The following HABP4 variants were observed in gnomAD, a reference collection of about 807,000 sequenced individuals.
HABP4 encodes hyaluronan binding protein 4, also known as intracellular hyaluronan-binding protein 4.
Under a neutral mutation model 44.1 loss-of-function variants are expected in HABP4, and 32 were observed. That is an observed-to-expected ratio of 0.73 (90% CI 0.55 to 0.97). The LOEUF (loss-of-function observed/expected upper bound fraction) is 0.97, where lower values mean the gene tolerates loss of function less well. Ranked by LOEUF, HABP4 falls within the 50% of genes least tolerant of loss-of-function variation. HABP4 has a pLI of 0.00. For missense variants in HABP4, 503 were observed against 561.9 expected, an observed-to-expected ratio of 0.90 and a Z score of 1.06; for synonymous variants, 216 against 218.0, an observed-to-expected ratio of 0.99 and a Z score of 0.08.
chr9:96,459,028 C>G (rs932116225), intron 2 of HABP4, among the ~76,000 whole-genome samples: 3 of 152,152 alleles, frequency 2.0e-5, no homozygotes, highest in African/African-American at 7.2e-5. Flanking sequence ...TGGGAAGGAT[C>G]TTCCTTTTTC....
intron 2 of HABP4, among the ~76,000 whole-genome samples, chr9:96,461,602 G>A (rs950130343): frequency 2.6e-5 from 4 of 152,176 alleles, no homozygotes; most frequent in East Asian, 3.9e-4. Flanking sequence ...GGGAAAACAC[G>A]TTCTCTGCCT....
At chr9:96,454,354 C>G (rs1832336509) in intron 1 of HABP4, among the ~76,000 whole-genome samples, 1 of 151,844 alleles carries the variant, frequency 6.6e-6, no homozygotes, top group Non-Finnish European at 1.5e-5. Context: ...ACTGTTATGT[C>G]ATGATCTGTT....
Position 96,458,458 on chromosome 9 carries a change from T to A in HABP4, c.429T>A (p.Ala143=). The change falls in exon 2 of 8, where the codon GCT becomes GCA. Residue 143 remains alanine (A), a synonymous_variant. Coordinates refer to ENST00000375249, the MANE Select transcript of HABP4 (RefSeq NM_014282.4). The stretch of plus-strand genomic sequence containing the variant: ...GGCCGGAGGGGATGCTCGAAAGAGC[T>A]GAGCGGAGATCCTACAGGGAATACC... The part of the protein sequence containing the change: ...SRGPEGMLER[A]ERRSYREYRP... 1 of 1,613,352 alleles carries A rather than the reference T, an allele frequency of 6.2e-7. No homozygotes were observed.
chr9:96,451,809 CAGTG>C (rs1832283273), intron 1 of HABP4, among the ~76,000 whole-genome samples: 1 of 152,196 alleles, frequency 6.6e-6, no homozygotes, highest in African/African-American at 2.4e-5. Flanking sequence ...CCTATCTAAA[CAGTG>C]AGACTGGAGA....
In HABP4 at chr9:96,471,020, G is replaced by A. The variant is rs1261455215; in HGVS notation, c.753G>A (p.Glu251=). 1.9e-6 allele frequency: 3 copies of A among 1,596,138 alleles called. No homozygotes were observed. Among genetic ancestry groups the A allele is most frequent in the African/African-American group, 2.7e-5 (2 of 74,528 alleles). ...TCTTGCTGTTTTTCAGTGATGTGGA[G>A]CCAACTGCACCGATGGAGGAACCCA... ...WGSGKDTSDV[E]PTAPMEEPTV... Residue 251 remains glutamate (E), a synonymous_variant, in exon 5 of 8, where the codon GAG becomes GAA. Transcript: ENST00000375249.
rs1832386310 is a variant in HABP4, at chr9:96,456,765, AAAAAAAAAAAAAAAAATATATATATAT to A, written c.350-1612_350-1586del. Among the ~76,000 whole-genome samples, 2 of 49,530 alleles carry A rather than the reference AAAAAAAAAAAAAAAAATATATATATAT, an allele frequency of 4.0e-5. 1 individual carries two copies. The highest frequency in any genetic ancestry group is 6.8e-5 in the Non-Finnish European group (2 of 29,244). 32.5% of individuals were successfully genotyped at this position (49,530 alleles called of 152,430 possible). On this transcript the variant is annotated intron_variant, in intron 1 of 7. Coordinates refer to ENST00000375249, the MANE Select transcript of HABP4 (RefSeq NM_014282.4). Reference sequence around the variant, plus strand: ...ACAGAGCAAGACTCCATCTCAAAAAAAAAAAAAAAAAAAAAATATATATATATATATATATATATATATATATATATA... The same window carrying A: ...ACAGAGCAAGACTCCATCTCAAAAAAATATATATATATATATATATATATA...
intron 2 of HABP4, among the ~76,000 whole-genome samples, chr9:96,459,459 A>G (rs992687877): frequency 1.3e-5 from 2 of 152,138 alleles, no homozygotes; most frequent in Admixed American, 1.3e-4. Flanking sequence ...CTCCACCTCA[A>G]CACGGGGAGG....
At chr9:96,473,392 TC>T (rs1199222798) in intron 5 of HABP4, among the ~76,000 whole-genome samples, 3 of 152,198 alleles carry the variant, frequency 2.0e-5, no homozygotes, top group African/African-American at 4.8e-5. Context: ...CAAAACCCAG[TC>T]CTTCCCTCTG....
chr9:96,485,991 G>A (rs567683883), intron 6 of HABP4, among the ~76,000 whole-genome samples: 66 of 152,030 alleles, frequency 4.3e-4, no homozygotes, highest in Non-Finnish European at 8.1e-4. Context: ...TCAGGAGTTC[G>A]AGACCAGCCT....
In HABP4 at chr9:96,490,389, A is replaced by C. The variant is rs763111138; in HGVS notation, c.*351A>C. 2 of 208,740 alleles carry C rather than the reference A, an allele frequency of 9.6e-6. No individual in the cohort carries two copies. Among genetic ancestry groups the C allele is most frequent in the Non-Finnish European group, 1.9e-5 (2 of 104,998 alleles). 12.9% of individuals were successfully genotyped at this position (208,740 alleles called of 1,614,324 possible). ...CATGGAGACTCTTAGGAAGCAGTAG[A>C]TTCCCGGGGGCTGTGCCTTTAGCGT... On this transcript the variant is annotated 3_prime_UTR_variant, in exon 8 of 8. Coordinates refer to ENST00000375249, the MANE Select transcript of HABP4 (RefSeq NM_014282.4).
At chr9:96,460,122 C>CT (rs1832475036) in intron 2 of HABP4, among the ~76,000 whole-genome samples, 1 of 151,962 alleles carries the variant, frequency 6.6e-6, no homozygotes, top group African/African-American at 2.4e-5. Context: ...ACTGTGTAGT[C>CT]TTTAAAAAGG....
intron 5 of HABP4, chr9:96,482,961 T>A (rs1205542740): frequency 2.0e-5 from 3 of 152,218 alleles, no homozygotes; most frequent in Non-Finnish European, 2.9e-5. Context: ...ACACTTGGGT[T>A]TAAGTTTTCA....
intron 2 of HABP4, among the ~76,000 whole-genome samples, chr9:96,464,123 G>C (rs958362178): frequency 6.6e-6 from 1 of 152,164 alleles, no homozygotes; most frequent in Non-Finnish European, 1.5e-5. Context: ...AGAAGAGGGA[G>C]GAGTGGCTTG....
chr9:96,468,632 A>G (rs1000185001), intron 4 of HABP4, among the ~76,000 whole-genome samples: 10 of 152,068 alleles, frequency 6.6e-5, no homozygotes, highest in Admixed American at 2.0e-4. Context: ...GGCTCAAGCA[A>G]TTCACCTGCC....
chr9:96,476,227 G>A (rs981688428), intron 5 of HABP4, among the ~76,000 whole-genome samples: 2 of 152,016 alleles, frequency 1.3e-5, no homozygotes, highest in African/African-American at 2.4e-5. Context: ...TCTCTGCCTC[G>A]ATATTCTTAT....
intron 2 of HABP4, among the ~76,000 whole-genome samples, chr9:96,464,349 C>A (rs1003802315): frequency 9.2e-5 from 14 of 152,160 alleles, no homozygotes; most frequent in Non-Finnish European, 1.9e-4. Flanking sequence ...TGCACTCCAG[C>A]CTGGGCAACA....
At chr9:96,465,900 A>C (rs1483325663) in intron 4 of HABP4, 122 bp downstream of exon 4, 2 of 602,782 alleles carry the variant, frequency 3.3e-6, no homozygotes, top group Non-Finnish European at 6.0e-6. Flanking sequence ...CTAAGTAGAG[A>C]TTGATTTTAG....
chr9:96,461,859 C>T (rs983745765), intron 2 of HABP4, among the ~76,000 whole-genome samples: 4 of 152,056 alleles, frequency 2.6e-5, no homozygotes, highest in Non-Finnish European at 5.9e-5. Flanking sequence ...GGGGAAAGTG[C>T]TATAAGAAAT....
At chr9:96,487,975 G>A (rs953879357) in intron 6 of HABP4, 114 bp from the exon 7 acceptor site, 2 of 752,514 alleles carry the variant, frequency 2.7e-6, no homozygotes, top group East Asian at 2.5e-5. Context: ...GAATGGCTCT[G>A]ACTAGCCCCT....
Sources: allele counts gnomAD v4.1 joint callset (sites outside exome capture counted in the v4.1 genomes callset), GRCh38; gene constraint gnomAD v4.1.1; transcripts MANE v1.5; gene names NCBI Gene and HGNC (gene_info 2026-07-23, HGNC 2026-07-21).